Variants in SBF2 observed in about 807,000 individuals in gnomAD.
The protein encoded by SBF2 is myotubularin-related protein 13.
A neutral mutation model predicts 225.2 loss-of-function variants in SBF2; 112 were observed. The ratio of observed to expected loss-of-function variants is 0.50; its 90% CI spans 0.43 to 0.58. The LOEUF (loss-of-function observed/expected upper bound fraction) is 0.58. SBF2 is among the 20% of genes least tolerant of loss of function. SBF2 has a pLI of 0.00. For missense variants in SBF2, 1,996 were observed against 2,206.2 expected (o/e 0.90, Z 1.91); for synonymous variants, 763 against 773.3 (o/e 0.99, Z 0.22).
chr11:10,207,091 A>G (rs1957776621), intron 1 of SBF2, among the ~76,000 whole-genome samples: 2 of 152,276 alleles, frequency 1.3e-5, no homozygotes, highest in Non-Finnish European at 2.9e-5. Flanking sequence ...GTCTTGAAAG[A>G]AGCCAGAGAG....
In SBF2 at chr11:9,850,234, G is replaced by T. The variant is rs1315057683; in HGVS notation, c.2611-16C>A. On this transcript the variant is annotated splice_polypyrimidine_tract_variant and intron_variant, in intron 21 of 39. Transcript: ENST00000256190. The stretch of plus-strand genomic sequence containing the variant: ...GAATCTTGGGCTTACAACAGAAAAA[G>T]ATTGATTGATTGATTGATTGACTAA... The T allele has an allele frequency of 6.3e-7, 1 of 1,584,544 alleles. No homozygotes were observed. Among genetic ancestry groups the T allele is most frequent in the Non-Finnish European group, 8.6e-7 (1 of 1,163,742 alleles).
At chr11:10,052,299 A>G (rs985737805) in intron 2 of SBF2, among the ~76,000 whole-genome samples, 1 of 152,168 alleles carries the variant, frequency 6.6e-6, no homozygotes, top group African/African-American at 2.4e-5. Context: ...ATACCACATA[A>G]TCTCACAATA....
At chr11:9,919,028 C>T (rs1438762137) in intron 16 of SBF2, among the ~76,000 whole-genome samples, 1 of 152,124 alleles carries the variant, frequency 6.6e-6, no homozygotes, top group Non-Finnish European at 1.5e-5. Flanking sequence ...AGGTGTGAGC[C>T]ACTGCATCTG....
chr11:10,055,559 A>C (rs1201181811), intron 2 of SBF2, among the ~76,000 whole-genome samples: 2 of 150,712 alleles, frequency 1.3e-5, no homozygotes, highest in African/African-American at 4.9e-5. Context: ...ACACACACAC[A>C]CACACACACA....
At chr11:9,934,116 T>C (rs1864708319) in intron 16 of SBF2, among the ~76,000 whole-genome samples, 1 of 151,046 alleles carries the variant, frequency 6.6e-6, no homozygotes, top group Non-Finnish European at 1.5e-5. Flanking sequence ...TAAAAAATGA[T>C]AAAGGGGATA....
chr11:10,016,157 A>C (rs958157418), intron 6 of SBF2, among the ~76,000 whole-genome samples: 15 of 152,186 alleles, frequency 9.9e-5, no homozygotes, highest in African/African-American at 3.6e-4. Context: ...ATCAGAAAAT[A>C]ATATTCATAA....
Position 9,856,567 on chromosome 11 carries a change from T to C in SBF2, c.2254A>G (p.Asn752Asp), listed in dbSNP as rs775455068. 14 of 1,614,036 alleles carry C rather than the reference T, an allele frequency of 8.7e-6. No individual in the cohort carries two copies. Among genetic ancestry groups the C allele is most frequent in the Non-Finnish European group, 1.1e-5 (13 of 1,180,036 alleles). The change falls in exon 19 of 40, where the codon AAC becomes GAC. Residue 752 changes from asparagine (N) to aspartate (D), a missense_variant. By Grantham distance (23) the Asn-to-Asp change is conservative. Transcript: ENST00000256190. ...TVFSQAIHFA[N>D]LMVNLLVPLD... ...GGAACTAGCAGGTTCACCATGAGGT[T>C]TGCAAAGTGAATGGCCTGACTAAAG...
chr11:9,780,732 G>A, intron 39 of SBF2: 1 of 575,222 alleles, frequency 1.7e-6, no homozygotes, highest in Non-Finnish European at 3.1e-6. Flanking sequence ...GGCAGGAAAG[G>A]GAGACACACT....
At chr11:10,101,039 A>G (rs920877891) in intron 2 of SBF2, among the ~76,000 whole-genome samples, 3 of 152,188 alleles carry the variant, frequency 2.0e-5, no homozygotes, top group African/African-American at 7.2e-5. Flanking sequence ...CCTTCTGCCT[A>G]TCGTGTCTTT....
At chr11:9,808,288 A>T (rs1853966561) in intron 31 of SBF2, 103 bp from the exon 32 acceptor site, 2 of 994,348 alleles carry the variant, frequency 2.0e-6, no homozygotes, top group African/African-American at 3.2e-5. Flanking sequence ...TCACAAATTT[A>T]CCTGGACAGC....
At chr11:10,177,222 C>T (rs1190712963) in intron 2 of SBF2, among the ~76,000 whole-genome samples, 3 of 151,884 alleles carry the variant, frequency 2.0e-5, no homozygotes, top group Non-Finnish European at 4.4e-5. Flanking sequence ...ATGACAAACA[C>T]ACAGCCAATA....
chr11:9,795,822 GAC>G lies in SBF2; in HGVS notation c.4570+7_4570+8del, dbSNP rs1853089052. ...AAAAAAGATGAAACAAGGGCATACA[GAC>G]ACATACCGTGCTCTAATCTTTCATA... On this transcript the variant is annotated splice_region_variant and intron_variant, in intron 33 of 39. Transcript: ENST00000256190. 1 of 1,613,010 alleles carries G rather than the reference GAC, an allele frequency of 6.2e-7. No homozygotes were observed. Among genetic ancestry groups the G allele is most frequent in the Non-Finnish European group, 8.5e-7 (1 of 1,179,612 alleles).
intron 13 of SBF2, among the ~76,000 whole-genome samples, chr11:9,980,287 A>AT (rs1554972997): frequency 4.8e-5 from 5 of 104,746 alleles, no homozygotes; most frequent in Non-Finnish European, 9.4e-5. Flanking sequence ...GCCTCTTGTA[A>AT]TTAAAAAAAA....
intron 17 of SBF2, among the ~76,000 whole-genome samples, chr11:9,889,370 T>C (rs1388992275): frequency 6.6e-6 from 1 of 152,230 alleles, no homozygotes; most frequent in African/African-American, 2.4e-5. Context: ...GAAATGGAAA[T>C]AATAACTAGG....
At position 10,003,032 on chromosome 11, in the gene SBF2, A is replaced by G. The variant is rs111351643; in HGVS notation, c.620-343T>C. On this transcript the variant is annotated intron_variant, in intron 6 of 39. Coordinates refer to ENST00000256190, the MANE Select transcript of SBF2 (RefSeq NM_030962.4). ...AACCCCTGCAGAGTCTGTTTGTCTG[A>G]CGTTAATAATACCACACCAGCTTTG... Among the ~76,000 whole-genome samples the G allele has an allele frequency of 1.2e-3, 185 of 152,318 alleles. 1 individual carries two copies. The highest frequency in any genetic ancestry group is 4.3e-3 in the African/African-American group (177 of 41,572).
chr11:10,294,117 C>T lies in SBF2; in HGVS notation c.-48G>A. On this transcript the variant is annotated 5_prime_UTR_variant, in exon 1 of 40. Transcript: ENST00000256190. ...AAGCGGGTCCCCGTCGCCGCCCTCG[C>T]CGCCGCCGCCCACCCGGCCCGGGAG... 1.6e-6 allele frequency: 2 copies of T among 1,278,508 alleles called. No individual in the cohort carries two copies. The highest frequency in any genetic ancestry group is 1.0e-6 in the Non-Finnish European group (1 of 1,004,622). 79.2% of individuals were successfully genotyped at this position (1,278,508 alleles called of 1,614,324 possible). A position where few individuals can be genotyped will look rare whatever the true frequency, so the allele number is the denominator to read the frequency against.
chr11:10,251,659 T>C (rs974539946), intron 1 of SBF2, among the ~76,000 whole-genome samples: 5 of 152,204 alleles, frequency 3.3e-5, no homozygotes, highest in Non-Finnish European at 5.9e-5. Context: ...CTCCTGGCAT[T>C]ATCCTCCCAA....
chr11:9,930,440 A>G (rs572029356), intron 16 of SBF2, among the ~76,000 whole-genome samples: 284 of 152,330 alleles, frequency 1.9e-3, no homozygotes, highest in African/African-American at 6.7e-3. Flanking sequence ...AGAAAAGATC[A>G]GCAGTCACCT....
chr11:10,238,360 T>C (rs1959164311), intron 1 of SBF2, among the ~76,000 whole-genome samples: 3 of 151,546 alleles, frequency 2.0e-5, no homozygotes, highest in South Asian at 2.1e-4. Context: ...TGGTGAGCCA[T>C]GATTGTACCA....
Sources: allele counts gnomAD v4.1 joint callset (sites outside exome capture counted in the v4.1 genomes callset), GRCh38; gene constraint gnomAD v4.1.1; transcripts MANE v1.5; gene names NCBI Gene and HGNC (gene_info 2026-07-23, HGNC 2026-07-21).